Variants in ZNF773 observed in about 807,000 individuals in gnomAD.
ZNF773 encodes zinc finger protein 773.
ZNF773 carries 11 observed loss-of-function variants against 12.8 expected under a neutral mutation model. The ratio of observed to expected loss-of-function variants is 0.86; its 90% CI spans 0.54 to 1.42. The LOEUF (loss-of-function observed/expected upper bound fraction) is 1.42, where lower values mean the gene tolerates loss of function less well. Among genes scored for constraint, ZNF773 ranks in the 40% most tolerant of loss-of-function variants. ZNF773 has a pLI of 0.00. For synonymous variants in ZNF773, 175 were observed against 178.4 expected (o/e 0.98, Z 0.15); for missense variants, 518 against 527.2 (o/e 0.98, Z 0.17).
Position 57,506,413 on chromosome 19 carries a change from A to G in ZNF773, c.318A>G (p.Glu106=). The G allele has an allele frequency of 6.2e-7, 1 of 1,614,230 alleles. No homozygotes were observed. The highest frequency in any genetic ancestry group is 8.5e-7 in the Non-Finnish European group (1 of 1,180,044). Residue 106 remains glutamate (E), a synonymous_variant, in exon 4 of 4, where the codon GAA becomes GAG. Transcript: ENST00000282292. ...EAAAEQSASV[E]VPSSNVQQHQ... is the part of the protein sequence containing the mutation. ...CTGCTGAGCAGAGTGCTTCTGTAGAAGTGCCCAGTTCAAACGTTCAGCAAC... is the reference window on the plus strand; with the variant it reads ...CTGCTGAGCAGAGTGCTTCTGTAGAGGTGCCCAGTTCAAACGTTCAGCAAC...
downstream of ZNF773, among the ~76,000 whole-genome samples, chr19:57,512,626 C>T (rs2089804480): frequency 6.6e-6 from 1 of 151,752 alleles, no homozygotes; most frequent in Non-Finnish European, 1.5e-5. Flanking sequence ...TGTTGGAGGT[C>T]AAAAGAATTA....
At chr19:57,502,822 C>G (rs2089685090) in intron 1 of ZNF773, among the ~76,000 whole-genome samples, 1 of 152,152 alleles carries the variant, frequency 6.6e-6, no homozygotes, top group Non-Finnish European at 1.5e-5. Flanking sequence ...TCCCGAGTAG[C>G]TGGGACTACA....
At position 57,506,709 on chromosome 19, in the gene ZNF773, T is replaced by C. The variant is rs1188097442; in HGVS notation, c.614T>C (p.Leu205Ser). The change falls in exon 4 of 4, where the codon TTA (leucine) becomes TCA (serine). Residue 205 changes from leucine (L) to serine (S), a missense_variant. Leu to Ser is a moderately radical substitution (Grantham distance 145). Coordinates refer to ENST00000282292, the MANE Select transcript of ZNF773 (RefSeq NM_198542.3). Reference protein sequence around the residue: ...ECGKAFGQKYLLVQHQRLHTG... With the variant: ...ECGKAFGQKYSLVQHQRLHTG... ...GGGAAAGCCTTTGGTCAGAAATATTTACTTGTTCAGCACCAGAGACTGCAC... is the reference window on the plus strand; with the variant it reads ...GGGAAAGCCTTTGGTCAGAAATATTCACTTGTTCAGCACCAGAGACTGCAC... 3 of 1,614,098 alleles carry C rather than the reference T, an allele frequency of 1.9e-6. No individual in the cohort carries two copies. Among genetic ancestry groups the C allele is most frequent in the African/African-American group, 1.3e-5 (1 of 74,924 alleles).
downstream of ZNF773, among the ~76,000 whole-genome samples, chr19:57,510,484 CAT>C (rs1364354998): frequency 2.0e-5 from 3 of 152,084 alleles, no homozygotes; most frequent in African/African-American, 7.2e-5. Context: ...TTAGGAATAA[CAT>C]AAATATGTCA....
At position 57,505,395 on chromosome 19, in the gene ZNF773, T is replaced by G. The variant is rs748566850; in HGVS notation, c.257T>G (p.Leu86Arg). 11 of 1,613,220 alleles carry G rather than the reference T, an allele frequency of 6.8e-6. No homozygotes were observed. The highest frequency in any genetic ancestry group is 1.1e-5 in the South Asian group (1 of 91,042). Residue 86 changes from leucine (L) to arginine (R), a missense_variant, in exon 3 of 4, where the codon CTG becomes CGG. By Grantham distance (102) the Leu-to-Arg change is moderately radical. Transcript: ENST00000282292. ...PAWEVVTSAILRGSWQGAKAE... is the reference protein window; with the variant it reads ...PAWEVVTSAIRRGSWQGAKAE... ...TGGGAAGTTGTGACTTCAGCCATACTGAGAGGTACTTGGTGGGTGGAGCTC... is the reference window on the plus strand; with the variant it reads ...TGGGAAGTTGTGACTTCAGCCATACGGAGAGGTACTTGGTGGGTGGAGCTC...
downstream of ZNF773, chr19:57,508,577 A>G: frequency 1.4e-6 from 1 of 699,240 alleles, no homozygotes. Context: ...AAGTTGATCC[A>G]AATGTTTCAA....
At chr19:57,500,244 G>C in intron 1 of ZNF773, 131 bp downstream of exon 1, 2 of 1,306,878 alleles carry the variant, frequency 1.5e-6, no homozygotes, top group Non-Finnish European at 2.0e-6. Flanking sequence ...GTGTGATGGG[G>C]TGGCAATGGA....
chr19:57,500,816 A>G (rs1385434747), intron 1 of ZNF773, among the ~76,000 whole-genome samples: 2 of 152,084 alleles, frequency 1.3e-5, no homozygotes, highest in Non-Finnish European at 2.9e-5. Flanking sequence ...TGTCCACATG[A>G]GCAGCTGGAA....
rs751803236 is a variant in ZNF773 at position 57,506,752 on chromosome 19, T to C, written c.657T>C (p.Tyr219=). The part of the protein sequence containing the change: ...HQRLHTGEKP[Y]ECSECGKLFS... ...GACTGCACACTGGGGAAAAGCCTTA[T>C]GAATGCAGTGAATGTGGGAAGTTAT... is the stretch of plus-strand genomic sequence containing the variant. The change falls in exon 4 of 4, where the codon TAT becomes TAC. Residue 219 remains tyrosine (Y), a synonymous_variant. Coordinates refer to ENST00000282292, the MANE Select transcript of ZNF773 (RefSeq NM_198542.3). 10 of 1,614,130 alleles carry C rather than the reference T, an allele frequency of 6.2e-6. No homozygotes were observed. Among genetic ancestry groups the C allele is most frequent in the Non-Finnish European group, 8.5e-6 (10 of 1,180,046 alleles).
At chr19:57,508,714 TTTTAACC>T (rs2089773332), downstream of ZNF773, 2 of 367,548 alleles carry the variant, frequency 5.4e-6, no homozygotes, top group Non-Finnish European at 9.9e-6. Flanking sequence ...AGGCCATTCA[TTTTAACC>T]ATTTTACTAA....
At chr19:57,505,451 A>G (rs1331858382) in intron 3 of ZNF773, 51 bp downstream of exon 3, 1 of 1,593,962 alleles carries the variant, frequency 6.3e-7, no homozygotes, top group Non-Finnish European at 8.6e-7. Context: ...ATGGGTTTGT[A>G]TCATACCAGG....
At chr19:57,513,928 A>C (rs764397112), downstream of ZNF773, 2 of 152,216 alleles carry the variant, frequency 1.3e-5, no homozygotes, top group Non-Finnish European at 2.9e-5. Flanking sequence ...CATCAGCAGG[A>C]TAGGCCTGGA....
intron 1 of ZNF773, among the ~76,000 whole-genome samples, chr19:57,503,951 C>T (rs1327187594): frequency 6.6e-6 from 1 of 152,192 alleles, no homozygotes; most frequent in African/African-American, 2.4e-5. Flanking sequence ...AGCCACCATG[C>T]CTGTCCTGGC....
chr19:57,507,484 TA>T lies in ZNF773; in HGVS notation c.*66del. ...ATTCAACACCAGAAAGTTCACAGTG[TA>T]AAAAAGTCTTGAAGGTTACTAATGG... On this transcript the variant is annotated 3_prime_UTR_variant, in exon 4 of 4. Coordinates refer to ENST00000282292, the MANE Select transcript of ZNF773 (RefSeq NM_198542.3). 6.5e-7 allele frequency: 1 copy of T among 1,528,680 alleles called. No homozygotes were observed. The highest frequency in any genetic ancestry group is 8.7e-7 in the Non-Finnish European group (1 of 1,144,222). 94.7% of individuals were successfully genotyped at this position (1,528,680 alleles called of 1,614,324 possible). A position where few individuals can be genotyped will look rare whatever the true frequency, so the allele number is the denominator to read the frequency against.
chr19:57,507,164 A>G lies in ZNF773; in HGVS notation c.1069A>G (p.Arg357Gly). The change falls in exon 4 of 4, where the codon AGG (arginine) becomes GGG (glycine). Residue 357 changes from arginine to glycine, a missense_variant. Coordinates refer to ENST00000282292, the MANE Select transcript of ZNF773 (RefSeq NM_198542.3). The part of the protein sequence containing the change: ...INHWRVHTGE[R>G]PYECSECGKF... ...TCATTGGCGTGTTCACACTGGAGAAAGGCCTTATGAGTGCAGTGAATGTGG... is the reference window on the plus strand; with the variant it reads ...TCATTGGCGTGTTCACACTGGAGAAGGGCCTTATGAGTGCAGTGAATGTGG... 6.2e-7 allele frequency: 1 copy of G among 1,614,248 alleles called. No homozygotes were observed. Among genetic ancestry groups the G allele is most frequent in the Non-Finnish European group, 8.5e-7 (1 of 1,180,046 alleles).
downstream of ZNF773, among the ~76,000 whole-genome samples, chr19:57,511,774 G>A (rs1887993674): frequency 6.6e-6 from 1 of 151,474 alleles, no homozygotes; most frequent in South Asian, 2.1e-4. Flanking sequence ...AAATGTCCAT[G>A]AACAGAAGAA....
chr19:57,511,177 C>T (rs371798570), downstream of ZNF773, among the ~76,000 whole-genome samples: 11 of 151,666 alleles, frequency 7.3e-5, no homozygotes, highest in South Asian at 1.0e-3. Flanking sequence ...CAGCCTCCTG[C>T]GTAGCTGGGA....
rs773120011 is a variant in ZNF773, at chr19:57,506,741, G to GA, written c.650dup (p.Pro218AlafsTer3). ...TCAGCACCAGAGACTGCACACTGGG[G>GA]AAAAGCCTTATGAATGCAGTGAATG... On this transcript the variant is annotated frameshift_variant, in exon 4 of 4. Transcript: ENST00000282292. LOFTEE classifies it low-confidence loss of function (END_TRUNC). The GA allele has an allele frequency of 2.5e-6, 4 of 1,614,106 alleles. No homozygotes were observed. The African/African-American group carries it at 5.3e-5, about 22-fold the overall frequency.
chr19:57,501,086 T>A (rs924831131), intron 1 of ZNF773, among the ~76,000 whole-genome samples: 1 of 152,086 alleles, frequency 6.6e-6, no homozygotes, highest in African/African-American at 2.4e-5. Flanking sequence ...GTCCAGTCCA[T>A]ATGGAGAAAA....
Sources: allele counts gnomAD v4.1 joint callset (sites outside exome capture counted in the v4.1 genomes callset), GRCh38; gene constraint gnomAD v4.1.1; transcripts MANE v1.5; gene names NCBI Gene and HGNC (gene_info 2026-07-23, HGNC 2026-07-21).